SCAMP1: variants seen among roughly 807,000 people sequenced by gnomAD.
SCAMP1 encodes secretory carrier-associated membrane protein 1.
A neutral mutation model predicts 41.8 loss-of-function variants in SCAMP1; 15 were observed. That is an observed-to-expected ratio of 0.36 (90% confidence interval 0.24 to 0.55). SCAMP1 has a LOEUF of 0.55. Among genes scored for constraint, SCAMP1 ranks in the 20% least tolerant of loss-of-function variants. The pLI, the probability that SCAMP1 is intolerant of heterozygous loss-of-function variation, is 0.86. For synonymous variants in SCAMP1, 135 were observed against 136.8 expected (o/e 0.99, Z 0.09); for missense variants, 341 against 412.6 (o/e 0.83, Z 1.50).
At chr5:78,401,536 TTTC>T (rs146071785) in intron 2 of SCAMP1, among the ~76,000 whole-genome samples, 3,032 of 152,254 alleles carry the variant, frequency 0.02, 114 homozygotes, top group African/African-American at 0.068. Flanking sequence ...AGATAGCTTG[TTTC>T]TTCTTCTGTG....
intron 8 of SCAMP1, among the ~76,000 whole-genome samples, chr5:78,463,333 T>C (rs1290788168): frequency 6.6e-6 from 1 of 152,252 alleles, no homozygotes; most frequent in Non-Finnish European, 1.5e-5. Context: ...ATCCAGTTCA[T>C]AAATTAAGGT....
intron 6 of SCAMP1, among the ~76,000 whole-genome samples, 183 bp from the exon 7 acceptor site, chr5:78,449,750 A>G (rs777163381): frequency 3.9e-5 from 6 of 152,192 alleles, no homozygotes; most frequent in African/African-American, 7.2e-5. Flanking sequence ...ACGAGTTCAC[A>G]TAAGTTATTA....
intron 1 of SCAMP1, among the ~76,000 whole-genome samples, chr5:78,380,445 T>C (rs1446249074): frequency 6.6e-6 from 1 of 152,246 alleles, no homozygotes; most frequent in African/African-American, 2.4e-5. Context: ...CTTACAGCTT[T>C]GTCAGTAGAG....
chr5:78,462,513 A>G (rs959140746), intron 8 of SCAMP1, among the ~76,000 whole-genome samples: 5 of 151,888 alleles, frequency 3.3e-5, no homozygotes, highest in Non-Finnish European at 5.9e-5. Flanking sequence ...TTTAGTAGAG[A>G]TGATTTCGCC....
intron 1 of SCAMP1, among the ~76,000 whole-genome samples, chr5:78,365,125 A>T (rs1750761159): frequency 6.6e-6 from 1 of 152,280 alleles, no homozygotes; most frequent in Admixed American, 6.5e-5. Flanking sequence ...GTAAGAGCTT[A>T]ATGTATAGTG....
At chr5:78,457,569 GA>G (rs1438977472) in intron 7 of SCAMP1, among the ~76,000 whole-genome samples, 1 of 152,208 alleles carries the variant, frequency 6.6e-6, no homozygotes, top group Non-Finnish European at 1.5e-5. Context: ...CGTGCTGGGA[GA>G]ACCACTGCTC....
chr5:78,366,392 C>G (rs575806931), intron 1 of SCAMP1, among the ~76,000 whole-genome samples: 2 of 152,232 alleles, frequency 1.3e-5, no homozygotes, highest in South Asian at 4.1e-4. Flanking sequence ...GATCCACCTG[C>G]CTCAGCCTTC....
rs1403105635 is a variant in SCAMP1 at position 78,451,194 on chromosome 5, A to G, written c.734+1160A>G. On this transcript the variant is annotated intron_variant, in intron 7 of 8. Transcript: ENST00000621999. ...AAAAAGAGTCTGCTAATGAGGGTGC[A>G]TACAGAATTGACCTGTTTTAAGATA... Among the ~76,000 whole-genome samples, 3 of 152,340 alleles carry G rather than the reference A, an allele frequency of 2.0e-5. No homozygotes were observed. In the East Asian group the frequency reaches 5.8e-4, roughly 29 times the overall value.
chr5:78,462,619 A>G (rs982852071), intron 8 of SCAMP1, among the ~76,000 whole-genome samples: 2 of 152,134 alleles, frequency 1.3e-5, no homozygotes, highest in Admixed American at 6.5e-5. Context: ...CACCACACCC[A>G]GTCTGTATCT....
intron 1 of SCAMP1, among the ~76,000 whole-genome samples, chr5:78,388,032 G>A (rs1037795804): frequency 2.0e-5 from 3 of 152,176 alleles, no homozygotes; most frequent in Non-Finnish European, 4.4e-5. Flanking sequence ...GGCGTTCCTC[G>A]GCTGTCCCAG....
chr5:78,414,799 T>C (rs1373615736), intron 2 of SCAMP1, among the ~76,000 whole-genome samples: 1 of 152,158 alleles, frequency 6.6e-6, no homozygotes, highest in Non-Finnish European at 1.5e-5. Context: ...CCTTCCCTTT[T>C]ACTCTTTTAA....
intron 2 of SCAMP1, among the ~76,000 whole-genome samples, chr5:78,389,836 T>C (rs1042417221): frequency 1.8e-4 from 27 of 152,060 alleles, no homozygotes; most frequent in African/African-American, 6.3e-4. Flanking sequence ...CTCCTGTATT[T>C]GGGTCTGCCT....
At chr5:78,465,563 G>A (rs1035040800) in intron 8 of SCAMP1, among the ~76,000 whole-genome samples, 3 of 152,248 alleles carry the variant, frequency 2.0e-5, no homozygotes, top group African/African-American at 4.8e-5. Flanking sequence ...TAGGGTTGGT[G>A]TGAGGATTAA....
chr5:78,406,126 T>C (rs1029536442), intron 2 of SCAMP1, among the ~76,000 whole-genome samples: 3 of 152,210 alleles, frequency 2.0e-5, no homozygotes, highest in African/African-American at 7.2e-5. Flanking sequence ...CTGTAAACTT[T>C]GTTGCCTTAG....
intron 6 of SCAMP1, among the ~76,000 whole-genome samples, chr5:78,430,062 T>C (rs552446309): frequency 2.8e-4 from 33 of 118,796 alleles, no homozygotes; most frequent in African/African-American, 1.0e-3. Context: ...TATTTATAAA[T>C]ACAGTATTTA....
At chr5:78,387,587 A>G (rs1292113448) in intron 1 of SCAMP1, among the ~76,000 whole-genome samples, 3 of 151,998 alleles carry the variant, frequency 2.0e-5, no homozygotes, top group Non-Finnish European at 2.9e-5. Context: ...TGGGTAGACT[A>G]TATCAGAGGG....
In SCAMP1 at chr5:78,457,866, G is replaced by A. The variant is rs543309661; in HGVS notation, c.735-1379G>A. 359 of 155,228 alleles carry A rather than the reference G, an allele frequency of 2.3e-3. 1 individual carries two copies. Among genetic ancestry groups the A allele is most frequent in the South Asian group, 4.2e-3 (21 of 4,942 alleles). The allele number at this position is 155,228 out of a possible 1,614,324, so 9.6% of individuals were successfully genotyped here. On this transcript the variant is annotated intron_variant, in intron 7 of 8. Coordinates refer to ENST00000621999, the MANE Select transcript of SCAMP1 (RefSeq NM_004866.6). ...CGTGGGCGTAGGACCCTCCGAGCCAGGTGCAGGATATAATCTCGTGGTGCG... is the reference window on the plus strand; with the variant it reads ...CGTGGGCGTAGGACCCTCCGAGCCAAGTGCAGGATATAATCTCGTGGTGCG...
At chr5:78,469,396 T>C (rs1028195570) in intron 8 of SCAMP1, among the ~76,000 whole-genome samples, 4 of 152,024 alleles carry the variant, frequency 2.6e-5, no homozygotes, top group African/African-American at 9.7e-5. Flanking sequence ...GTAATACTTT[T>C]GAATTCCTAG....
intron 6 of SCAMP1, among the ~76,000 whole-genome samples, chr5:78,428,595 T>C (rs1752523718): frequency 6.6e-6 from 1 of 152,126 alleles, no homozygotes; most frequent in Non-Finnish European, 1.5e-5. Flanking sequence ...TCAGAGTCCT[T>C]TGCATTTCAT....
Sources: allele counts gnomAD v4.1 joint callset (sites outside exome capture counted in the v4.1 genomes callset), GRCh38; gene constraint gnomAD v4.1.1; transcripts MANE v1.5; gene names NCBI Gene and HGNC (gene_info 2026-07-23, HGNC 2026-07-21).